CNTN5: variants seen among roughly 807,000 people sequenced by gnomAD.
CNTN5 encodes the protein contactin-5.
Under a neutral mutation model 129.1 loss-of-function variants are expected in CNTN5, and 77 were observed. The ratio of observed to expected loss-of-function variants is 0.60; its 90% CI spans 0.50 to 0.72. The LOEUF is 0.72. CNTN5 is among the 30% of genes least tolerant of loss of function. The pLI, the probability that CNTN5 is intolerant of heterozygous loss-of-function variation, is 0.00. For synonymous variants in CNTN5, 509 were observed against 465.6 expected, an observed-to-expected ratio of 1.09 and a Z score of -1.20; for missense variants, 1,478 against 1,328.8, an observed-to-expected ratio of 1.11 and a Z score of -1.75.
At chr11:100,127,280 G>A (rs1291168967) in intron 13 of CNTN5, among the ~76,000 whole-genome samples, 3 of 151,742 alleles carry the variant, frequency 2.0e-5, no homozygotes, top group Non-Finnish European at 1.5e-5. Flanking sequence ...ATCCCTTAAA[G>A]ATCTCTTATA....
intron 1 of CNTN5, among the ~76,000 whole-genome samples, chr11:99,305,280 A>G (rs10450631): frequency 0.05 from 7,658 of 152,294 alleles, 620 homozygotes; most frequent in African/African-American, 0.17. Context: ...GTAAAGTGTC[A>G]TGGGAAAAAT....
rs537931740 is a variant in CNTN5 at position 99,027,100 on chromosome 11, G to GT, written c.-210+5840dup. Among the ~76,000 whole-genome samples, 781 of 147,816 alleles carry GT rather than the reference G, an allele frequency of 5.3e-3. 5 individuals carry two copies. The highest frequency in any genetic ancestry group is 0.013 in the African/African-American group (546 of 40,554). ...CCAGCTACATCAAATGACAGAAGGGGTTTTTTTTTTGACAGTTTTAATTAT... is the reference window on the plus strand; with the variant it reads ...CCAGCTACATCAAATGACAGAAGGGGTTTTTTTTTTTGACAGTTTTAATTAT... On this transcript the variant is annotated intron_variant, in intron 1 of 24. Transcript: ENST00000524871.
At chr11:99,268,797 G>T (rs1047131088) in intron 1 of CNTN5, among the ~76,000 whole-genome samples, 11 of 152,090 alleles carry the variant, frequency 7.2e-5, no homozygotes, top group Admixed American at 6.6e-4. Context: ...TTCGTCTAAT[G>T]ATTGTCTAAT....
At chr11:100,279,986 A>G (rs745704306) in intron 18 of CNTN5, among the ~76,000 whole-genome samples, 16 of 146,100 alleles carry the variant, frequency 1.1e-4, no homozygotes, top group Non-Finnish European at 1.9e-4. Flanking sequence ...GCTGTATCCC[A>G]TAGGTCTTGG....
chr11:99,279,051 A>G (rs146061182), intron 1 of CNTN5, among the ~76,000 whole-genome samples: 5 of 151,876 alleles, frequency 3.3e-5, no homozygotes, highest in African/African-American at 7.2e-5. Context: ...ATTAAACACC[A>G]CTATAAAAAC....
chr11:100,024,946 G>C (rs1337013153), intron 9 of CNTN5, among the ~76,000 whole-genome samples: 2 of 152,168 alleles, frequency 1.3e-5, no homozygotes, highest in African/African-American at 4.8e-5. Flanking sequence ...CGATAGAAAA[G>C]AAAGACCCAT....
chr11:99,841,893 TATA>T (rs577665723), intron 4 of CNTN5, among the ~76,000 whole-genome samples: 30,904 of 114,178 alleles, frequency 0.27, 3,306 homozygotes, highest in South Asian at 0.32. Context: ...TACATATATA[TATA>T]TTTTTTTTTT....
chr11:99,738,254 TATAAG>T (rs1457820740), intron 3 of CNTN5, among the ~76,000 whole-genome samples: 10 of 152,092 alleles, frequency 6.6e-5, no homozygotes, highest in Admixed American at 6.6e-4. Flanking sequence ...ACTGGTATCT[TATAAG>T]AGAGGGAAGT....
At chr11:99,168,611 A>T (rs953926332) in intron 1 of CNTN5, among the ~76,000 whole-genome samples, 34 of 152,278 alleles carry the variant, frequency 2.2e-4, no homozygotes, top group Admixed American at 1.1e-3. Flanking sequence ...AAAGGATAGG[A>T]AATGTACAAG....
chr11:99,370,461 C>A (rs995321552), intron 2 of CNTN5, among the ~76,000 whole-genome samples: 4 of 152,144 alleles, frequency 2.6e-5, no homozygotes, highest in African/African-American at 7.2e-5. Flanking sequence ...GAACACTTCC[C>A]AAATTCCAAA....
intron 3 of CNTN5, among the ~76,000 whole-genome samples, chr11:99,759,903 G>C (rs935001718): frequency 6.6e-6 from 1 of 152,150 alleles, no homozygotes; most frequent in African/African-American, 2.4e-5. Context: ...CAATAGTCAT[G>C]TAACTGACAG....
At chr11:99,819,817 CTT>C (rs1946740231) in intron 4 of CNTN5, 52 bp downstream of exon 4, 1 of 582,502 alleles carries the variant, frequency 1.7e-6, no homozygotes, top group Non-Finnish European at 2.2e-6. Flanking sequence ...GCAAAGAAGA[CTT>C]ATTTAATACT....
chr11:99,128,953 A>T (rs1242741176), intron 1 of CNTN5, among the ~76,000 whole-genome samples: 5 of 152,178 alleles, frequency 3.3e-5, no homozygotes, highest in African/African-American at 1.2e-4. Context: ...ACCCTATCCG[A>T]AGATTGACAG....
At position 99,755,357 on chromosome 11, in the gene CNTN5, T is replaced by C. The variant is rs78371343; in HGVS notation, c.56-64187T>C. Among the ~76,000 whole-genome samples the C allele has an allele frequency of 2.2e-4, 33 of 152,332 alleles. No individual in the cohort carries two copies. The East Asian group carries it at 6.2e-3, about 28-fold the overall frequency. ...CTCCTGTCAGCAACGAATGAAATAA[T>C]TCCTGTTGCTTCACATTCTCAACAG... On this transcript the variant is annotated intron_variant, in intron 3 of 24. Coordinates refer to ENST00000524871, the MANE Select transcript of CNTN5 (RefSeq NM_014361.4).
chr11:99,551,732 A>G (rs142917130), intron 2 of CNTN5, among the ~76,000 whole-genome samples: 3 of 152,122 alleles, frequency 2.0e-5, no homozygotes, highest in Non-Finnish European at 2.9e-5. Context: ...ATGTTACTGT[A>G]CTGAATAATG....
At chr11:99,696,765 T>C (rs1312186138) in intron 3 of CNTN5, among the ~76,000 whole-genome samples, 1 of 152,022 alleles carries the variant, frequency 6.6e-6, no homozygotes, top group African/African-American at 2.4e-5. Context: ...ATGTTATTGG[T>C]ATCTTGGTTT....
At chr11:100,265,727 G>A (rs146293775) in intron 17 of CNTN5, among the ~76,000 whole-genome samples, 56 of 152,180 alleles carry the variant, frequency 3.7e-4, no homozygotes, top group African/African-American at 1.2e-3. Context: ...TGGATTTAAC[G>A]TATGAATACC....
At chr11:99,062,870 T>A (rs1205766858) in intron 1 of CNTN5, among the ~76,000 whole-genome samples, 1 of 152,030 alleles carries the variant, frequency 6.6e-6, no homozygotes, top group Non-Finnish European at 1.5e-5. Flanking sequence ...AATTGTTAAA[T>A]TCAGTATTTT....
chr11:99,082,603 T>C (rs1865849928), intron 1 of CNTN5, among the ~76,000 whole-genome samples: 1 of 152,198 alleles, frequency 6.6e-6, no homozygotes. Context: ...AAGAAAACCT[T>C]TAACTTATAT....
Sources: allele counts gnomAD v4.1 joint callset (sites outside exome capture counted in the v4.1 genomes callset), GRCh38; gene constraint gnomAD v4.1.1; transcripts MANE v1.5; gene names NCBI Gene and HGNC (gene_info 2026-07-23, HGNC 2026-07-21).